Variants in PAGE1 observed in about 807,000 individuals in gnomAD.
The protein encoded by PAGE1 is P antigen family member 1.
Under a neutral mutation model 11.5 loss-of-function variants are expected in PAGE1, and 6 were observed. The observed-to-expected ratio is 0.52, with a 90% CI of 0.29 to 1.03. The LOEUF is 1.03. PAGE1 is among the 50% of genes least tolerant of loss of function. PAGE1 has a pLI of 0.09. For missense variants in PAGE1, 120 were observed against 110.2 expected, an observed-to-expected ratio of 1.09 and a Z score of -0.40; for synonymous variants, 42 against 40.2, an observed-to-expected ratio of 1.05 and a Z score of -0.17.
At chrX:49,691,724 A>G (rs781994710) in intron 3 of PAGE1, among the ~76,000 whole-genome samples, 2 of 111,819 alleles carry the variant, frequency 1.8e-5, no homozygotes, top group Non-Finnish European at 3.8e-5. Flanking sequence ...CTAGCAAGTT[A>G]TATGGCATGA....
chrX:49,692,686 T>A (rs1557142348), intron 3 of PAGE1, among the ~76,000 whole-genome samples: 1 of 111,355 alleles, frequency 9.0e-6, no homozygotes, highest in Non-Finnish European at 1.9e-5. Context: ...GGTAACTAAT[T>A]TTAAGTGTTA....
intron 1 of PAGE1, among the ~76,000 whole-genome samples, chrX:49,695,353 T>G (rs2066937479): frequency 1.8e-5 from 2 of 111,861 alleles, no homozygotes. Context: ...TTTCCGGACC[T>G]TCTATGGCAG....
At chrX:49,689,575 A>AAT (rs782177014) in intron 4 of PAGE1, 32 bp from the exon 5 acceptor site, 1,414 of 30,096 alleles carry the variant, frequency 0.047, 36 homozygotes, top group African/African-American at 0.071. Flanking sequence ...AAAAAAAAAA[A>AAT]ATATATATAT....
rs1557142202 is a variant in PAGE1, at chrX:49,691,337, C to T, written c.204G>A (p.Gln68=). ...EPEADSQELV[Q]PKTGCELGDG... The stretch of plus-strand genomic sequence containing the variant: ...CTCCAAGCTCACACCCAGTCTTTGG[C>T]TGAACCAGTTCCTGGCTATCAGCTT... The change falls in exon 4 of 6, where the codon CAG becomes CAA. Residue 68 remains glutamine, a synonymous_variant. Transcript: ENST00000376150. The T allele has an allele frequency of 8.3e-7, 1 of 1,208,910 alleles. No homozygotes were observed. Among genetic ancestry groups the T allele is most frequent in the Non-Finnish European group, 1.1e-6 (1 of 893,402 alleles).
chrX:49,689,591 T>TATAC (rs1557141588), intron 4 of PAGE1, 48 bp from the exon 5 acceptor site: 3 of 53,509 alleles, frequency 5.6e-5, no homozygotes, highest in African/African-American at 3.9e-4. Context: ...TATATATATA[T>TATAC]ATATATATAT....
chrX:49,689,714 A>ATGTATATATATACACATATATATG (rs2066903212), intron 4 of PAGE1, among the ~76,000 whole-genome samples, 171 bp from the exon 5 acceptor site: 1 of 47,489 alleles, frequency 2.1e-5, no homozygotes, highest in Non-Finnish European at 3.8e-5. Context: ...ATGTGTATAT[A>ATGTATATATATACACATATATATG]TGTATATATG....
chrX:49,687,501 C>T lies in PAGE1; in HGVS notation c.*40G>A, dbSNP rs781909244. 1 of 1,184,916 alleles carries T rather than the reference C, an allele frequency of 8.4e-7. No homozygotes were observed. The highest frequency in any genetic ancestry group is 3.0e-5 in the East Asian group (1 of 33,471). On this transcript the variant is annotated 3_prime_UTR_variant, in exon 6 of 6. Coordinates refer to ENST00000376150, the MANE Select transcript of PAGE1 (RefSeq NM_003785.4). ...GGGAGAATTTTAATGGTCAAATTTC[C>T]AACACAGGAGCAGCCTGAACCATTT...
At chrX:49,695,348 G>A (rs868945591) in intron 1 of PAGE1, among the ~76,000 whole-genome samples, 2 of 111,726 alleles carry the variant, frequency 1.8e-5, no homozygotes, top group Non-Finnish European at 3.8e-5. Context: ...CATTGTTTCC[G>A]GACCTTCTAT....
At chrX:49,692,157 A>T (rs2066922855) in intron 3 of PAGE1, among the ~76,000 whole-genome samples, 1 of 110,531 alleles carries the variant, frequency 9.0e-6, no homozygotes, top group Non-Finnish European at 1.9e-5. Context: ...AAAAAAAAAA[A>T]TAAGAAAGAA....
At position 49,687,478 on chromosome X, in the gene PAGE1, G is replaced by A. The variant is rs782757761; in HGVS notation, c.*63C>T. ...GCAGAAGGCTGTAAAGCTTTATTGG[G>A]AGAATTTTAATGGTCAAATTTCCAA... On this transcript the variant is annotated 3_prime_UTR_variant, in exon 6 of 6. Transcript: ENST00000376150. The A allele has an allele frequency of 9.2e-7, 1 of 1,085,257 alleles. No individual in the cohort carries two copies. The highest frequency in any genetic ancestry group is 1.8e-5 in the African/African-American group (1 of 54,849). The allele number at this position is 1,085,257 out of a possible 1,213,427, so 89.4% of individuals were successfully genotyped here.
chrX:49,689,093 C>T (rs782807940), intron 5 of PAGE1, among the ~76,000 whole-genome samples: 1 of 111,201 alleles, frequency 9.0e-6, no homozygotes, highest in Non-Finnish European at 1.9e-5. Flanking sequence ...GTAATCCTGG[C>T]ACTTTAGTAG....
chrX:49,689,870 A>G (rs1403658924), intron 4 of PAGE1, among the ~76,000 whole-genome samples: 7 of 60,620 alleles, frequency 1.2e-4, no homozygotes, highest in Admixed American at 2.1e-4. Flanking sequence ...GTGTGTATAT[A>G]TGTGTATATA....
intron 4 of PAGE1, among the ~76,000 whole-genome samples, chrX:49,689,969 A>G (rs868928776): frequency 1.0e-4 from 6 of 60,095 alleles, no homozygotes; most frequent in South Asian, 1.4e-3. Flanking sequence ...ATATATGTGT[A>G]TATATATGTG....
chrX:49,689,107 G>A (rs1050241464), intron 5 of PAGE1, among the ~76,000 whole-genome samples: 1 of 111,209 alleles, frequency 9.0e-6, no homozygotes, highest in Non-Finnish European at 1.9e-5. Context: ...TTAGTAGGCT[G>A]AGGTGGGTGG....
intron 3 of PAGE1, among the ~76,000 whole-genome samples, chrX:49,693,560 G>A (rs1468966231): frequency 9.0e-6 from 1 of 111,287 alleles, no homozygotes; most frequent in East Asian, 2.8e-4. Flanking sequence ...CTACCTGTAT[G>A]GCAGTATCCT....
chrX:49,694,966 G>A (rs1018620316), intron 1 of PAGE1, among the ~76,000 whole-genome samples, 188 bp from the exon 2 acceptor site: 4 of 112,600 alleles, frequency 3.6e-5, no homozygotes, highest in Non-Finnish European at 7.5e-5. Flanking sequence ...CAAGCTGGCA[G>A]AGTAGTCATC....
At chrX:49,690,091 G>GACACA (rs1557141993) in intron 4 of PAGE1, among the ~76,000 whole-genome samples, 15 of 51,672 alleles carry the variant, frequency 2.9e-4, no homozygotes, top group East Asian at 2.5e-3. Context: ...GTATATATGT[G>GACACA]TATATATGTG....
intron 4 of PAGE1, 22 bp from the exon 5 acceptor site, chrX:49,689,565 AAAAAAAAAAAATATATATATATATATAT>A: frequency 5.3e-6 from 1 of 188,374 alleles, no homozygotes; most frequent in African/African-American, 1.0e-4. Context: ...AAAAAAAAAA[AAAAAAAAAAAATATATATATATATATAT>A]ATATATATAT....
rs181058869 is a variant in PAGE1 at position 49,691,512 on chromosome X, A to G, written c.167-138T>C. 4.4e-5 allele frequency: 22 copies of G among 501,715 alleles called. No individual in the cohort carries two copies. In the African/African-American group the frequency reaches 4.6e-4, roughly 11 times the overall value. The allele number at this position is 501,715 out of a possible 1,213,427, so 41.3% of individuals were successfully genotyped here. On this transcript the variant is annotated intron_variant, in intron 3 of 5. Transcript: ENST00000376150. Reference sequence around the variant, plus strand: ...TAAATGTGTTGATAAGAATCCCAAGAACATTATTTCAGGAGTCTGTTGGCA... The same window carrying G: ...TAAATGTGTTGATAAGAATCCCAAGGACATTATTTCAGGAGTCTGTTGGCA...
Sources: gnomAD v4.1 joint callset for allele counts (sites outside exome capture counted in the v4.1 genomes callset) on GRCh38, gnomAD v4.1.1 for gene constraint, MANE v1.5 for transcripts, NCBI Gene and HGNC (gene_info 2026-07-23, HGNC 2026-07-21) for gene names.